The following FHIP1A variants were observed in gnomAD, a reference collection of about 807,000 sequenced individuals.
The protein encoded by FHIP1A is FHF complex subunit HOOK interacting protein 1A.
FHIP1A carries 61 observed loss-of-function variants against 88.6 expected under a neutral mutation model. The observed-to-expected ratio is 0.69, with a 90% CI of 0.56 to 0.85. FHIP1A has a LOEUF of 0.85. Among genes scored for constraint, FHIP1A ranks in the 40% least tolerant of loss-of-function variants. The pLI is 0.00. For missense variants in FHIP1A, 1,154 were observed against 1,273.5 expected, an observed-to-expected ratio of 0.91 and a Z score of 1.43; for synonymous variants, 478 against 496.0, an observed-to-expected ratio of 0.96 and a Z score of 0.48.
chr4:151,440,595 A>G (rs1235177873), intron 1 of FHIP1A, among the ~76,000 whole-genome samples: 1 of 152,060 alleles, frequency 6.6e-6, no homozygotes, highest in Non-Finnish European at 1.5e-5. Context: ...AAATTCAGTG[A>G]TTTTCAAGGG....
chr4:151,658,505 G>A (rs1216232617), intron 13 of FHIP1A, among the ~76,000 whole-genome samples: 1 of 152,200 alleles, frequency 6.6e-6, no homozygotes, highest in African/African-American at 2.4e-5. Flanking sequence ...GCTGGTCCAT[G>A]TCACAGTTAA....
intron 3 of FHIP1A, among the ~76,000 whole-genome samples, chr4:151,536,024 C>CA (rs978052334): frequency 3.9e-5 from 6 of 152,146 alleles, no homozygotes; most frequent in African/African-American, 1.4e-4. Context: ...GTAGCATTGC[C>CA]AAATGCCTTC....
At chr4:151,524,716 T>C (rs982267452) in intron 3 of FHIP1A, among the ~76,000 whole-genome samples, 2 of 152,192 alleles carry the variant, frequency 1.3e-5, no homozygotes, top group Admixed American at 6.5e-5. Flanking sequence ...TATGAAGCAG[T>C]TGGAAACCAT....
chr4:151,541,788 T>G (rs1312501713), intron 3 of FHIP1A, among the ~76,000 whole-genome samples: 1 of 152,240 alleles, frequency 6.6e-6, no homozygotes, highest in African/African-American at 2.4e-5. Context: ...AGTGGGTTCT[T>G]TTATCTTGAT....
rs755828717 is a variant in FHIP1A, at chr4:151,650,528, G to T, written c.2487G>T (p.Val829=). 9.7e-6 allele frequency: 15 copies of T among 1,551,346 alleles called. No individual in the cohort carries two copies. The highest frequency in any genetic ancestry group is 3.3e-4 in the Middle Eastern group (2 of 6,014). ...PAVETVPSPF[V]GRDEAAFASR... ...TAGAGACTGTGCCTTCCCCATTTGT[G>T]GGGAGAGATGAGGCTGCCTTTGCCA... The change falls in exon 11 of 14, where the codon GTG becomes GTT. Residue 829 remains valine, a synonymous_variant. Transcript: ENST00000435205.
intron 3 of FHIP1A, among the ~76,000 whole-genome samples, chr4:151,540,249 T>C (rs1732235612): frequency 6.6e-6 from 1 of 152,226 alleles, no homozygotes; most frequent in Non-Finnish European, 1.5e-5. Context: ...CAATAGAGTT[T>C]CTGTAGTTCC....
intron 2 of FHIP1A, among the ~76,000 whole-genome samples, chr4:151,461,296 C>A (rs1031262883): frequency 1.3e-5 from 2 of 152,088 alleles, no homozygotes; most frequent in Non-Finnish European, 2.9e-5. Context: ...TGAAATAATA[C>A]ATACATGCAT....
At chr4:151,484,230 C>T (rs779938544) in intron 3 of FHIP1A, among the ~76,000 whole-genome samples, 2 of 152,122 alleles carry the variant, frequency 1.3e-5, no homozygotes, top group Non-Finnish European at 2.9e-5. Context: ...AACCTATAGT[C>T]GTTTACAACC....
chr4:151,579,338 G>A (rs575926377), intron 5 of FHIP1A, among the ~76,000 whole-genome samples: 4 of 152,298 alleles, frequency 2.6e-5, no homozygotes, highest in Admixed American at 6.5e-5. Context: ...GGGAGGCTGT[G>A]CATGTGTTGG....
intron 3 of FHIP1A, among the ~76,000 whole-genome samples, chr4:151,498,400 G>A (rs1288762503): frequency 6.6e-6 from 1 of 152,136 alleles, no homozygotes; most frequent in East Asian, 1.9e-4. Context: ...TTGTCTTAAG[G>A]CCTTGGAAGA....
intron 7 of FHIP1A, among the ~76,000 whole-genome samples, chr4:151,625,171 T>A (rs922440615): frequency 6.6e-6 from 1 of 152,216 alleles, no homozygotes; most frequent in African/African-American, 2.4e-5. Flanking sequence ...TTGTCATTCT[T>A]TTCCCCTCTG....
chr4:151,454,084 T>C (rs1728889121), intron 1 of FHIP1A, among the ~76,000 whole-genome samples: 1 of 152,208 alleles, frequency 6.6e-6, no homozygotes, highest in African/African-American at 2.4e-5. Flanking sequence ...ATGTACATAA[T>C]ATACATTTCC....
At chr4:151,481,948 A>G (rs1171402567) in intron 2 of FHIP1A, among the ~76,000 whole-genome samples, 3 of 152,126 alleles carry the variant, frequency 2.0e-5, no homozygotes, top group Non-Finnish European at 4.4e-5. Flanking sequence ...TAAGCCACAC[A>G]TTTGTGTTAC....
chr4:151,626,904 A>G (rs1347143171), intron 7 of FHIP1A, among the ~76,000 whole-genome samples: 1 of 152,124 alleles, frequency 6.6e-6, no homozygotes, highest in East Asian at 1.9e-4. Context: ...CTGGTGGTTT[A>G]TTGTTAGCTT....
intron 3 of FHIP1A, among the ~76,000 whole-genome samples, chr4:151,509,162 T>TTTTG (rs775457985): frequency 6.6e-6 from 1 of 152,112 alleles, no homozygotes; most frequent in Non-Finnish European, 1.5e-5. Context: ...TAAGTATTTT[T>TTTTG]TTTGTTTGTT....
chr4:151,512,840 A>G (rs1308349727), intron 3 of FHIP1A, among the ~76,000 whole-genome samples: 1 of 152,232 alleles, frequency 6.6e-6, no homozygotes, highest in African/African-American at 2.4e-5. Context: ...TGTACCTGAA[A>G]GTGATGGGGA....
At chr4:151,531,684 A>AT (rs1351164399) in intron 3 of FHIP1A, among the ~76,000 whole-genome samples, 1 of 152,162 alleles carries the variant, frequency 6.6e-6, no homozygotes, top group Admixed American at 6.5e-5. Context: ...GAGACTGTTG[A>AT]TTTCATATCT....
At chr4:151,478,888 T>A (rs1729803094) in intron 2 of FHIP1A, among the ~76,000 whole-genome samples, 1 of 152,114 alleles carries the variant, frequency 6.6e-6, no homozygotes, top group Non-Finnish European at 1.5e-5. Flanking sequence ...GTATTCTTGG[T>A]GTATTTCTAA....
At chr4:151,527,943 G>A (rs1359030782) in intron 3 of FHIP1A, among the ~76,000 whole-genome samples, 1 of 152,138 alleles carries the variant, frequency 6.6e-6, no homozygotes, top group Admixed American at 6.5e-5. Flanking sequence ...TGCCAGGAAG[G>A]TATTGAATTT....
Sources: allele counts gnomAD v4.1 joint callset (sites outside exome capture counted in the v4.1 genomes callset), GRCh38; gene constraint gnomAD v4.1.1; transcripts MANE v1.5; gene names NCBI Gene and HGNC (gene_info 2026-07-23, HGNC 2026-07-21).